Variants in POR observed in about 807,000 individuals in gnomAD.
POR encodes cytochrome p450 oxidoreductase.
A neutral mutation model predicts 84.0 loss-of-function variants in POR; 56 were observed. That is an observed-to-expected ratio of 0.67 (90% CI 0.54 to 0.83). The LOEUF (loss-of-function observed/expected upper bound fraction) is 0.83. POR is among the 40% of genes least tolerant of loss of function. POR has a pLI of 0.00. For synonymous variants in POR, 414 were observed against 400.5 expected (o/e 1.03, Z -0.40); for missense variants, 938 against 944.3 (o/e 0.99, Z 0.09).
Position 75,985,809 on chromosome 7 carries a change from C to CA in POR, c.1630dup (p.Ile544AsnfsTer31). The CA allele has an allele frequency of 6.4e-7, 1 of 1,560,594 alleles. No individual in the cohort carries two copies. Among genetic ancestry groups the CA allele is most frequent in the Non-Finnish European group, 8.7e-7 (1 of 1,151,630 alleles). ...GCCCCGGCACCGGGGTGGCACCCTT[C>CA]ATAGGCTTCATCCAGGAGCGGGCCT... On this transcript the variant is annotated frameshift_variant, in exon 13 of 16. Coordinates refer to ENST00000461988, the MANE Select transcript of POR (RefSeq NM_000941.3). LOFTEE classifies it high-confidence loss of function.
At chr7:75,918,831 T>C (rs782665802) in intron 1 of POR, 2 of 151,938 alleles carry the variant, frequency 1.3e-5, no homozygotes, top group African/African-American at 4.8e-5. Context: ...TGCTAGGAGT[T>C]CTCTGAGCCC....
Position 75,972,379 on chromosome 7 carries a change from C to T in POR, c.189-34C>T, listed in dbSNP as rs72553991. The T allele has an allele frequency of 4.8e-4, 766 of 1,593,610 alleles. 1 individual carries two copies. Among genetic ancestry groups the T allele is most frequent in the Non-Finnish European group, 6.1e-4 (717 of 1,166,588 alleles). ...TGACACCTGTGTCCCATGACACCTG[C>T]CTCCCACGCTCATTGCACACTTTTG... On this transcript the variant is annotated intron_variant, in intron 2 of 15. Transcript: ENST00000461988.
chr7:75,980,532 TG>T (rs781926016), intron 5 of POR, 44 bp downstream of exon 5: 1 of 1,612,364 alleles, frequency 6.2e-7, no homozygotes, highest in African/African-American at 1.3e-5. Context: ...TGGCCTGCGG[TG>T]CCTCCCTGGG....
intron 7 of POR, chr7:75,981,935 A>G: frequency 1.8e-6 from 1 of 566,106 alleles, no homozygotes; most frequent in South Asian, 2.2e-5. Flanking sequence ...TGTGCCCTTG[A>G]TGGCCCCTGG....
intron 1 of POR, among the ~76,000 whole-genome samples, chr7:75,933,891 G>A (rs1807542872): frequency 6.7e-6 from 1 of 148,240 alleles, no homozygotes; most frequent in Non-Finnish European, 1.5e-5. Flanking sequence ...AACTATTTGA[G>A]AATGAGTTGC....
rs149957819 is a variant in POR, at chr7:75,958,185, C to T, written c.188+4005C>T. Among the ~76,000 whole-genome samples the T allele has an allele frequency of 5.5e-3, 831 of 152,270 alleles. 3 individuals carry two copies. The highest frequency in any genetic ancestry group is 0.034 in the Middle Eastern group (10 of 294). The stretch of plus-strand genomic sequence containing the variant: ...AGGCTGGAATACGCTGGCACGATCT[C>T]GGCTCACTGCAACCTCCGCCTCCCA... On this transcript the variant is annotated intron_variant, in intron 2 of 15. Coordinates refer to ENST00000461988, the MANE Select transcript of POR (RefSeq NM_000941.3).
intron 1 of POR, among the ~76,000 whole-genome samples, chr7:75,938,848 G>C (rs1035914433): frequency 3.9e-5 from 6 of 152,112 alleles, no homozygotes; most frequent in African/African-American, 1.4e-4. Flanking sequence ...CCCAGACCCC[G>C]AGTTTCTCGT....
intron 1 of POR, among the ~76,000 whole-genome samples, chr7:75,939,727 C>A (rs1056881649): frequency 6.6e-6 from 1 of 151,368 alleles, no homozygotes; most frequent in Non-Finnish European, 1.5e-5. Context: ...GCCTCAGCAG[C>A]CTCCAGAGTA....
At chr7:75,979,655 A>G (rs1314551858) in intron 4 of POR, 76 bp downstream of exon 4, 119 of 1,570,198 alleles carry the variant, frequency 7.6e-5, no homozygotes, top group Non-Finnish European at 9.7e-5. Context: ...GGCGCCCCTC[A>G]GCAGGGGGAG....
intron 2 of POR, among the ~76,000 whole-genome samples, chr7:75,959,621 A>T (rs1312281648): frequency 6.6e-6 from 1 of 151,942 alleles, no homozygotes; most frequent in Non-Finnish European, 1.5e-5. Context: ...ATGCCCGGCT[A>T]ATTTTTGTAT....
Position 75,985,979 on chromosome 7 carries a change from T to TA in POR, c.1727dup (p.Tyr576Ter), listed in dbSNP as rs1468190771. The change falls in exon 14 of 16, where the codon TAC becomes TAAC. Residue 576 changes from tyrosine (Y) to a stop codon, truncating the protein, a stop_gained and frameshift_variant. Coordinates refer to ENST00000461988, the MANE Select transcript of POR (RefSeq NM_000941.3). LOFTEE classifies it high-confidence loss of function. ...CGGCTGCCGCCGCTCGGATGAGGAC[T>TA]ACCTGTACCGGGAGGAGCTGGCGCA... is the stretch of plus-strand genomic sequence containing the variant. 35 of 1,583,726 alleles carry TA rather than the reference T, an allele frequency of 2.2e-5. No individual in the cohort carries two copies. The Admixed American group carries it at 6.3e-4, about 29-fold the overall frequency.
chr7:75,928,768 G>GTGTAC (rs1807275262), intron 1 of POR, among the ~76,000 whole-genome samples: 1 of 152,146 alleles, frequency 6.6e-6, no homozygotes. Context: ...TCTCATGCAG[G>GTGTAC]TGTACTGTGT....
At chr7:75,982,965 C>CT (rs1789147177) in intron 8 of POR, among the ~76,000 whole-genome samples, 1 of 152,206 alleles carries the variant, frequency 6.6e-6, no homozygotes, top group Non-Finnish European at 1.5e-5. Flanking sequence ...CCTCACAGTT[C>CT]TTTTAGGGGC....
At chr7:75,965,868 G>A (rs375501867) in intron 2 of POR, among the ~76,000 whole-genome samples, 70 of 152,262 alleles carry the variant, frequency 4.6e-4, no homozygotes, top group East Asian at 3.7e-3. Context: ...CTGAGGACAC[G>A]GCCCCAGGAT....
In POR at chr7:75,986,720, C is replaced by A. The variant is rs1789501609; in HGVS notation, c.*239C>A. The A allele has an allele frequency of 3.3e-6, 2 of 598,862 alleles. No individual in the cohort carries two copies. Among genetic ancestry groups the A allele is most frequent in the Non-Finnish European group, 5.9e-6 (2 of 340,120 alleles). 37.1% of individuals were successfully genotyped at this position (598,862 alleles called of 1,614,324 possible). A position where few individuals can be genotyped will look rare whatever the true frequency, so the allele number is the denominator to read the frequency against. ...GCACCGGGCTCCATGCCTCTGGAGG[C>A]CTCTGGCCCTCGGTGGCTGCACAGA... is the stretch of plus-strand genomic sequence containing the variant. On this transcript the variant is annotated 3_prime_UTR_variant, in exon 16 of 16. Coordinates refer to ENST00000461988, the MANE Select transcript of POR (RefSeq NM_000941.3).
intron 1 of POR, among the ~76,000 whole-genome samples, chr7:75,931,342 TTTA>T (rs1554550112): frequency 3.5e-5 from 3 of 85,372 alleles, no homozygotes; most frequent in Non-Finnish European, 7.6e-5. Context: ...TGTGATTTTA[TTTA>T]TTTATTTATT....
At chr7:75,926,575 C>T (rs1554549527) in intron 1 of POR, among the ~76,000 whole-genome samples, 1 of 151,956 alleles carries the variant, frequency 6.6e-6, no homozygotes, top group Non-Finnish European at 1.5e-5. Context: ...GCGGGCAGAT[C>T]ACCTGAGGTC....
chr7:75,973,340 G>A (rs1788524023), intron 3 of POR, among the ~76,000 whole-genome samples: 2 of 151,562 alleles, frequency 1.3e-5, no homozygotes, highest in African/African-American at 4.8e-5. Flanking sequence ...TAGAGACAGG[G>A]TCTCACTGTG....
chr7:75,937,471 CAAAAAAAAAAAA>C (rs782343328), intron 1 of POR, among the ~76,000 whole-genome samples: 6 of 20,122 alleles, frequency 3.0e-4, no homozygotes, highest in Admixed American at 1.8e-3. Flanking sequence ...GACCCTGTCT[CAAAAAAAAAAAA>C]AAAAAAAAAA....
Sources: gnomAD v4.1 joint callset for allele counts (sites outside exome capture counted in the v4.1 genomes callset) on GRCh38, gnomAD v4.1.1 for gene constraint, MANE v1.5 for transcripts, NCBI Gene and HGNC (gene_info 2026-07-23, HGNC 2026-07-21) for gene names.